Variants in RYR2 observed in about 807,000 individuals in gnomAD.
RYR2 encodes ryanodine receptor 2, also known as cardiac muscle ryanodine receptor-calcium release channel.
RYR2 carries 227 observed loss-of-function variants against 601.1 expected under a neutral mutation model. The observed-to-expected ratio is 0.38, with a 90% CI of 0.34 to 0.42. The LOEUF (loss-of-function observed/expected upper bound fraction) is 0.42. Among genes scored for constraint, RYR2 ranks in the 10% least tolerant of loss-of-function variants. RYR2 has a pLI of 1.00. For missense variants in RYR2, 4,646 were observed against 6,156.5 expected, an observed-to-expected ratio of 0.75 and a Z score of 8.21; for synonymous variants, 2,223 against 2,175.1, an observed-to-expected ratio of 1.02 and a Z score of -0.61.
chr1:237,453,262 T>C (rs184797933), intron 14 of RYR2, among the ~76,000 whole-genome samples: 116 of 152,216 alleles, frequency 7.6e-4, no homozygotes, highest in African/African-American at 2.6e-3. Flanking sequence ...TCATATATAA[T>C]TGGTATAGAA....
In RYR2 at chr1:237,718,472, A is replaced by G; in HGVS notation, c.10505A>G (p.Glu3502Gly). 6.3e-7 allele frequency: 1 copy of G among 1,577,326 alleles called. No individual in the cohort carries two copies. The highest frequency in any genetic ancestry group is 8.7e-7 in the Non-Finnish European group (1 of 1,148,260). Residue 3502 changes from glutamate (E) to glycine (G), a missense_variant, in exon 73 of 105, where the codon GAG becomes GGG. Physicochemically the swap from Glu to Gly is moderately conservative, Grantham distance 98. This residue lies in a region of RYR2 where 1,497 missense variants were observed against 1,842.6 expected (regional missense o/e 0.81). Coordinates refer to ENST00000366574, the MANE Select transcript of RYR2 (RefSeq NM_001035.3). ...TATATTTCTTGACAGAAAGATACCG[A>G]GGATGAAGTACGAGATATAATCCGC... Reference protein sequence around the residue: ...AKNRFSLKDTEDEVRDIIRSN... With the variant: ...AKNRFSLKDTGDEVRDIIRSN...
intron 45 of RYR2, 125 bp downstream of exon 45, chr1:237,638,617 T>C (rs1490788283): frequency 1.9e-6 from 2 of 1,055,688 alleles, no homozygotes; most frequent in African/African-American, 3.2e-5. Context: ...TTATAATCGA[T>C]AGGGGTTTTT....
At chr1:237,731,891 TACACACACACACAC>T (rs71561898) in intron 77 of RYR2, among the ~76,000 whole-genome samples, 141 bp from the exon 78 acceptor site, 1 of 147,298 alleles carries the variant, frequency 6.8e-6, no homozygotes, top group African/African-American at 2.5e-5. Context: ...GCATATAAAA[TACACACACACACAC>T]ACACACACAC....
chr1:237,111,590 T>TAAAAAAA (rs71178394), intron 1 of RYR2, among the ~76,000 whole-genome samples: 1 of 119,990 alleles, frequency 8.3e-6, no homozygotes, highest in African/African-American at 3.1e-5. Flanking sequence ...TCCGTCTCTT[T>TAAAAAAA]AAAAAAAAAA....
intron 44 of RYR2, among the ~76,000 whole-genome samples, chr1:237,638,025 G>A (rs975346186): frequency 1.1e-4 from 17 of 151,428 alleles, no homozygotes; most frequent in African/African-American, 3.4e-4. Context: ...ACAGCAACTG[G>A]TTCTAGTCCG....
chr1:237,410,428 G>A (rs77091657), intron 10 of RYR2, among the ~76,000 whole-genome samples: 1,768 of 152,180 alleles, frequency 0.012, 43 homozygotes, highest in African/African-American at 0.041. Context: ...ATTTTATCCA[G>A]CTAGCTTTCT....
At chr1:237,346,754 A>G (rs1421014940) in intron 3 of RYR2, among the ~76,000 whole-genome samples, 2 of 152,192 alleles carry the variant, frequency 1.3e-5, no homozygotes, top group African/African-American at 2.4e-5. Context: ...CATTTGCTCA[A>G]TTACACTTAT....
At chr1:237,046,824 G>A (rs1660662864) in intron 1 of RYR2, among the ~76,000 whole-genome samples, 3 of 152,186 alleles carry the variant, frequency 2.0e-5, no homozygotes, top group South Asian at 4.1e-4. Flanking sequence ...GACATTGTGG[G>A]AATTAGATTA....
At chr1:237,129,654 A>G (rs1317634004) in intron 1 of RYR2, among the ~76,000 whole-genome samples, 1 of 150,046 alleles carries the variant, frequency 6.7e-6, no homozygotes, top group African/African-American at 2.4e-5. Context: ...AATGATATAT[A>G]TAATATATAT....
intron 1 of RYR2, among the ~76,000 whole-genome samples, chr1:237,232,261 C>T (rs1685078373): frequency 1.3e-5 from 2 of 152,172 alleles, no homozygotes; most frequent in Admixed American, 1.3e-4. Flanking sequence ...TTTTCAGCCC[C>T]ACCCCCAACA....
At chr1:237,576,516 T>C (rs1673238240) in intron 29 of RYR2, among the ~76,000 whole-genome samples, 1 of 152,106 alleles carries the variant, frequency 6.6e-6, no homozygotes, top group South Asian at 2.1e-4. Flanking sequence ...AAGAGGCCTG[T>C]GACAAATGGG....
chr1:237,093,671 G>A (rs1429118460), intron 1 of RYR2, among the ~76,000 whole-genome samples: 1 of 152,202 alleles, frequency 6.6e-6, no homozygotes, highest in African/African-American at 2.4e-5. Context: ...GAGGGAGTTA[G>A]GAAAATCTCA....
At chr1:237,100,804 A>C (rs539663136) in intron 1 of RYR2, among the ~76,000 whole-genome samples, 1 of 152,210 alleles carries the variant, frequency 6.6e-6, no homozygotes, top group South Asian at 2.1e-4. Flanking sequence ...TGATGTTTTT[A>C]TACGCAACAC....
intron 93 of RYR2, 172 bp from the exon 94 acceptor site, chr1:237,791,933 T>C: frequency 4.9e-6 from 3 of 609,576 alleles, no homozygotes; most frequent in Non-Finnish European, 2.9e-6. Context: ...TGTTCATTAC[T>C]TGCCTTTGGT....
chr1:237,137,780 C>T (rs745418436), intron 1 of RYR2, among the ~76,000 whole-genome samples: 80 of 152,150 alleles, frequency 5.3e-4, no homozygotes, highest in Non-Finnish European at 8.1e-4. Context: ...TGATAAGTTG[C>T]GTGGGAAAAT....
intron 3 of RYR2, among the ~76,000 whole-genome samples, chr1:237,339,621 T>C (rs562093465): frequency 6.6e-6 from 1 of 152,112 alleles, no homozygotes; most frequent in African/African-American, 2.4e-5. Flanking sequence ...ATATGGTTTT[T>C]AAAAAATCAG....
chr1:237,288,592 G>T (rs987109806), intron 2 of RYR2, among the ~76,000 whole-genome samples: 1 of 151,920 alleles, frequency 6.6e-6, no homozygotes, highest in Non-Finnish European at 1.5e-5. Context: ...GGGAAGTGGG[G>T]GAAAGCCAGT....
chr1:237,787,388 G>A (rs544125097), intron 91 of RYR2, among the ~76,000 whole-genome samples: 2 of 151,890 alleles, frequency 1.3e-5, no homozygotes, highest in Admixed American at 6.6e-5. Flanking sequence ...AGGAGTTCAA[G>A]ACCAGCCTGG....
At chr1:237,396,583 G>A (rs1033636921) in intron 10 of RYR2, among the ~76,000 whole-genome samples, 33 of 152,100 alleles carry the variant, frequency 2.2e-4, no homozygotes, top group African/African-American at 8.0e-4. Flanking sequence ...CTGAGGGGAG[G>A]TTTGAGACTT....
Sources: allele counts gnomAD v4.1 joint callset (sites outside exome capture counted in the v4.1 genomes callset), GRCh38; gene constraint gnomAD v4.1.1; regional missense constraint gnomAD v4.1.1; transcripts MANE v1.5; gene names NCBI Gene and HGNC (gene_info 2026-07-23, HGNC 2026-07-21).